MDGA2: variants seen among roughly 807,000 people sequenced by gnomAD.
MDGA2 encodes MAM domain containing glycosylphosphatidylinositol anchor 2, also known as MAM domain-containing glycosylphosphatidylinositol anchor protein 2.
A neutral mutation model predicts 117.8 loss-of-function variants in MDGA2; 40 were observed. The observed-to-expected ratio is 0.34, with a 90% CI of 0.26 to 0.44. The LOEUF (loss-of-function observed/expected upper bound fraction) is 0.44. Ranked by LOEUF, MDGA2 falls within the 20% of genes least tolerant of loss-of-function variation. The probability of loss-of-function intolerance (pLI) is 1.00; values close to 1 mark genes in which losing one functional copy is unlikely to be tolerated. For synonymous variants in MDGA2, 452 were observed against 439.0 expected, an observed-to-expected ratio of 1.03 and a Z score of -0.37; for missense variants, 1,123 against 1,250.6, an observed-to-expected ratio of 0.90 and a Z score of 1.54.
At chr14:47,411,491 G>C (rs1466165351) in intron 1 of MDGA2, among the ~76,000 whole-genome samples, 1 of 152,050 alleles carries the variant, frequency 6.6e-6, no homozygotes, top group Non-Finnish European at 1.5e-5. Flanking sequence ...AAATAATTAA[G>C]TATAAGCTTA....
chr14:47,535,067 T>A lies in MDGA2; in HGVS notation c.280+139450A>T, dbSNP rs578153228. ...AATATGTCAACATGTTTTTTACTTC[T>A]GTTTCTTCAGAACCTATTTGTCAAC... On this transcript the variant is annotated intron_variant, in intron 1 of 16. Transcript: ENST00000399232. Among the ~76,000 whole-genome samples, 92 of 152,342 alleles carry A rather than the reference T, an allele frequency of 6.0e-4. 1 individual carries two copies. The highest frequency in any genetic ancestry group is 2.1e-3 in the African/African-American group (88 of 41,586).
intron 6 of MDGA2, among the ~76,000 whole-genome samples, chr14:47,090,517 G>A (rs529814236): frequency 8.5e-5 from 13 of 152,272 alleles, no homozygotes; most frequent in African/African-American, 3.1e-4. Context: ...TGGGTATCAA[G>A]GCGTCATGGG....
intron 1 of MDGA2, among the ~76,000 whole-genome samples, chr14:47,381,343 G>A (rs878869917): frequency 3.9e-5 from 6 of 151,962 alleles, no homozygotes; most frequent in East Asian, 1.9e-4. Flanking sequence ...TCAACATAGC[G>A]TTGGAAGTTC....
chr14:47,174,864 G>GT (rs1397145830), intron 3 of MDGA2, among the ~76,000 whole-genome samples: 2 of 152,012 alleles, frequency 1.3e-5, no homozygotes, highest in Admixed American at 6.6e-5. Context: ...CCAGGAGCGG[G>GT]TTTTTTGAAA....
intron 1 of MDGA2, among the ~76,000 whole-genome samples, chr14:47,392,671 A>T (rs1309047020): frequency 3.9e-5 from 6 of 152,132 alleles, no homozygotes. Context: ...CTAGGAACAG[A>T]TGAGGAGCTG....
chr14:47,609,160 C>G (rs549508196), intron 1 of MDGA2, among the ~76,000 whole-genome samples: 40 of 151,330 alleles, frequency 2.6e-4, no homozygotes, highest in Admixed American at 5.3e-4. Context: ...GCACCCATCA[C>G]CCAAGCAGTA....
rs541004151 is a variant in MDGA2, at chr14:47,106,096, T to C, written c.926-8973A>G. Among the ~76,000 whole-genome samples, 139 of 152,290 alleles carry C rather than the reference T, an allele frequency of 9.1e-4. 1 individual carries two copies. The highest frequency in any genetic ancestry group is 3.3e-3 in the African/African-American group (136 of 41,564). On this transcript the variant is annotated intron_variant, in intron 5 of 16. Transcript: ENST00000399232. ...CAAATCGGATAGCGTTTAGGCTTTT[T>C]TTCATCAAATATAAAAATCCAGCCC...
chr14:47,591,576 C>G (rs534335965), intron 1 of MDGA2, among the ~76,000 whole-genome samples: 2 of 152,260 alleles, frequency 1.3e-5, no homozygotes, highest in East Asian at 3.9e-4. Flanking sequence ...AATCCAGCAG[C>G]ACATCAAAAA....
chr14:47,140,768 C>G (rs1034214669), intron 4 of MDGA2, among the ~76,000 whole-genome samples: 6 of 152,002 alleles, frequency 3.9e-5, no homozygotes, highest in Admixed American at 2.6e-4. Flanking sequence ...TGACATTGGT[C>G]TGGGGACAGG....
chr14:47,311,425 T>C (rs887131135), intron 1 of MDGA2, among the ~76,000 whole-genome samples: 2 of 152,116 alleles, frequency 1.3e-5, no homozygotes, highest in Non-Finnish European at 2.9e-5. Flanking sequence ...GTCCCCACTG[T>C]TTCTCTCCAT....
At chr14:47,445,979 A>G (rs1365505608) in intron 1 of MDGA2, among the ~76,000 whole-genome samples, 3 of 152,180 alleles carry the variant, frequency 2.0e-5, no homozygotes, top group Admixed American at 2.0e-4. Context: ...GGGACACACA[A>G]AGCAGTCTGG....
At chr14:46,990,485 T>C (rs1887046071) in intron 8 of MDGA2, among the ~76,000 whole-genome samples, 1 of 152,074 alleles carries the variant, frequency 6.6e-6, no homozygotes, top group African/African-American at 2.4e-5. Context: ...AAAAATGTTC[T>C]GAGAAGTATT....
chr14:47,293,848 T>C (rs1888971369), intron 2 of MDGA2, among the ~76,000 whole-genome samples: 1 of 152,122 alleles, frequency 6.6e-6, no homozygotes, highest in African/African-American at 2.4e-5. Flanking sequence ...ACACTGAGAG[T>C]AAAAAGTATT....
chr14:46,918,760 C>CTTTTTTTTTTTTTTTTTTTT (rs34958634), intron 10 of MDGA2, among the ~76,000 whole-genome samples: 24 of 124,762 alleles, frequency 1.9e-4, no homozygotes, highest in African/African-American at 5.4e-4. Context: ...TACAGTGTAT[C>CTTTTTTTTTTTTTTTTTTTT]TTTTTTTTTT....
intron 7 of MDGA2, among the ~76,000 whole-genome samples, chr14:47,048,597 C>T (rs2138712423): frequency 6.6e-6 from 1 of 152,106 alleles, no homozygotes; most frequent in East Asian, 1.9e-4. Flanking sequence ...ACTGAATATG[C>T]CTTATCCTGT....
At chr14:47,061,195 C>G (rs1889868436) in intron 7 of MDGA2, 54 bp downstream of exon 7, 1 of 1,493,414 alleles carries the variant, frequency 6.7e-7, no homozygotes, top group Admixed American at 1.9e-5. Context: ...ATCTGTTAAA[C>G]TTCAATCATT....
At chr14:47,201,634 C>G (rs570698769) in intron 3 of MDGA2, among the ~76,000 whole-genome samples, 2 of 152,234 alleles carry the variant, frequency 1.3e-5, no homozygotes, top group Admixed American at 1.3e-4. Context: ...AAATAACTTT[C>G]TATTTTAGTG....
intron 6 of MDGA2, among the ~76,000 whole-genome samples, chr14:47,072,361 T>C (rs963020375): frequency 2.6e-5 from 4 of 152,208 alleles, no homozygotes; most frequent in African/African-American, 9.7e-5. Context: ...TATTTTGCGT[T>C]CAATTGTTTG....
chr14:47,548,006 C>G (rs1895497399), intron 1 of MDGA2, among the ~76,000 whole-genome samples: 1 of 152,180 alleles, frequency 6.6e-6, no homozygotes, highest in Admixed American at 6.5e-5. Context: ...CAAATTACAT[C>G]CTTATATATG....
Sources: allele counts gnomAD v4.1 joint callset (sites outside exome capture counted in the v4.1 genomes callset), GRCh38; gene constraint gnomAD v4.1.1; transcripts MANE v1.5; gene names NCBI Gene and HGNC (gene_info 2026-07-23, HGNC 2026-07-21).